The following DLGAP2 variants were observed in gnomAD, a reference collection of about 807,000 sequenced individuals.
The protein encoded by DLGAP2 is DLG associated protein 2.
Under a neutral mutation model 100.3 loss-of-function variants are expected in DLGAP2, and 26 were observed. The ratio of observed to expected loss-of-function variants is 0.26; its 90% CI spans 0.19 to 0.36. The LOEUF is 0.36. Among genes scored for constraint, DLGAP2 ranks in the 10% least tolerant of loss-of-function variants. DLGAP2 has a pLI of 1.00. For synonymous variants in DLGAP2, 886 were observed against 630.1 expected, an observed-to-expected ratio of 1.41 and a Z score of -6.08; for missense variants, 1,858 against 1,453.2, an observed-to-expected ratio of 1.28 and a Z score of -4.53.
intron 2 of DLGAP2, among the ~76,000 whole-genome samples, chr8:1,173,513 C>G (rs562979665): frequency 8.5e-5 from 13 of 152,318 alleles, no homozygotes; most frequent in African/African-American, 3.1e-4. Flanking sequence ...AGGCAGGCCT[C>G]CTTGAGCTGT....
intron 3 of DLGAP2, among the ~76,000 whole-genome samples, chr8:1,360,987 A>G (rs1801970931): frequency 6.6e-6 from 1 of 152,182 alleles, no homozygotes; most frequent in Admixed American, 6.5e-5. Flanking sequence ...TTACAGAAAA[A>G]GTTTCCAGGC....
intron 2 of DLGAP2, among the ~76,000 whole-genome samples, chr8:1,129,138 G>T (rs933206929): frequency 4.6e-5 from 7 of 152,180 alleles, no homozygotes; most frequent in Non-Finnish European, 8.8e-5. Context: ...AGGTGCCGTG[G>T]CTCACACCTG....
At chr8:1,244,743 G>T (rs1355697093) in intron 2 of DLGAP2, among the ~76,000 whole-genome samples, 5 of 152,148 alleles carry the variant, frequency 3.3e-5, no homozygotes, top group African/African-American at 7.2e-5. Flanking sequence ...CACCCAAAGC[G>T]CAAAGCACAA....
chr8:1,539,951 T>C (rs1462549232), intron 4 of DLGAP2, among the ~76,000 whole-genome samples: 1 of 152,098 alleles, frequency 6.6e-6, no homozygotes. Context: ...TCCCATCTCT[T>C]CTCTGCTCCT....
At chr8:1,604,605 TG>T (rs1264060664) in intron 6 of DLGAP2, 1 of 13,892 alleles carries the variant, frequency 7.2e-5, no homozygotes, top group Non-Finnish European at 2.2e-4. Flanking sequence ...ACCGTGATCC[TG>T]GAATCTATAT....
chr8:1,124,952 T>C (rs925500455), intron 2 of DLGAP2, among the ~76,000 whole-genome samples: 1 of 152,140 alleles, frequency 6.6e-6, no homozygotes, highest in Non-Finnish European at 1.5e-5. Flanking sequence ...GTCCCCCTCA[T>C]CGCTGACTGT....
intron 13 of DLGAP2, 38 bp from the exon 14 acceptor site, chr8:1,697,109 G>T (rs892601154): frequency 4.7e-6 from 7 of 1,494,284 alleles, no homozygotes; most frequent in African/African-American, 4.2e-5. Flanking sequence ...GCCCGCAGGA[G>T]ACTCTCCTGG....
intron 2 of DLGAP2, among the ~76,000 whole-genome samples, chr8:1,133,056 C>T (rs1034248401): frequency 4.6e-5 from 7 of 152,162 alleles, no homozygotes; most frequent in Non-Finnish European, 8.8e-5. Context: ...TAGTCGGGGT[C>T]AGAGCCTGTG....
At chr8:1,118,492 A>G (rs1336078546) in intron 2 of DLGAP2, among the ~76,000 whole-genome samples, 1 of 152,210 alleles carries the variant, frequency 6.6e-6, no homozygotes, top group Non-Finnish European at 1.5e-5. Context: ...TGTCTTCATT[A>G]TAATCCAAAA....
chr8:1,119,163 G>A (rs572505838), intron 2 of DLGAP2, among the ~76,000 whole-genome samples: 2 of 152,328 alleles, frequency 1.3e-5, no homozygotes, highest in African/African-American at 4.8e-5. Flanking sequence ...TTTGCACTGA[G>A]ATGGCATAAA....
chr8:1,691,743 C>T (rs1163399893), intron 13 of DLGAP2, 117 bp downstream of exon 13: 37 of 900,522 alleles, frequency 4.1e-5, no homozygotes, highest in Non-Finnish European at 6.0e-5. Context: ...CGGAATATCA[C>T]GTGCACTTAC....
At chr8:1,229,593 CTT>C (rs1798491843) in intron 2 of DLGAP2, among the ~76,000 whole-genome samples, 1 of 151,924 alleles carries the variant, frequency 6.6e-6, no homozygotes, top group African/African-American at 2.4e-5. Flanking sequence ...TCTGATTGTG[CTT>C]ATTGATGAAC....
intron 2 of DLGAP2, among the ~76,000 whole-genome samples, chr8:1,078,451 G>A (rs1220666057): frequency 6.6e-6 from 1 of 152,138 alleles, no homozygotes; most frequent in Non-Finnish European, 1.5e-5. Flanking sequence ...TCCAGCCTTG[G>A]TGTTGCACAT....
At chr8:1,600,094 T>G (rs1796578753) in intron 6 of DLGAP2, among the ~76,000 whole-genome samples, 1 of 152,180 alleles carries the variant, frequency 6.6e-6, no homozygotes, top group African/African-American at 2.4e-5. Flanking sequence ...CAGCATTTGC[T>G]TGTGTGTAAA....
chr8:1,255,884 C>A (rs544472075), intron 2 of DLGAP2, among the ~76,000 whole-genome samples: 15 of 116,768 alleles, frequency 1.3e-4, no homozygotes, highest in African/African-American at 6.4e-4. Flanking sequence ...TCTCATCCTG[C>A]CTGGGTGCTA....
chr8:1,006,407 T>C (rs1260543123), intron 2 of DLGAP2, among the ~76,000 whole-genome samples: 4 of 148,732 alleles, frequency 2.7e-5, no homozygotes, highest in African/African-American at 7.5e-5. Context: ...GTGTCTGAAG[T>C]CTCGGGATGT....
chr8:940,939 G>T (rs920972316), intron 2 of DLGAP2, among the ~76,000 whole-genome samples: 3 of 152,136 alleles, frequency 2.0e-5, no homozygotes, highest in African/African-American at 7.2e-5. Context: ...CGGGCGTAGG[G>T]TACCACCTGC....
chr8:1,193,510 C>G (rs921043003), intron 2 of DLGAP2, among the ~76,000 whole-genome samples: 10 of 152,142 alleles, frequency 6.6e-5, no homozygotes, highest in African/African-American at 2.4e-4. Flanking sequence ...TAGCACCATG[C>G]GTTCAGGGCT....
chr8:1,099,766 C>G (rs1209996452), intron 2 of DLGAP2, among the ~76,000 whole-genome samples: 12 of 152,166 alleles, frequency 7.9e-5, no homozygotes, highest in Admixed American at 1.3e-4. Context: ...TTTAGAAATA[C>G]CACAGGTCTT....
Sources: gnomAD v4.1 joint callset for allele counts (sites outside exome capture counted in the v4.1 genomes callset) on GRCh38, gnomAD v4.1.1 for gene constraint, MANE v1.5 for transcripts, NCBI Gene and HGNC (gene_info 2026-07-23, HGNC 2026-07-21) for gene names.